The following FAM13A variants were observed in gnomAD, a reference collection of about 807,000 sequenced individuals.
The protein encoded by FAM13A is family with sequence similarity 13 member A.
FAM13A carries 76 observed loss-of-function variants against 129.6 expected under a neutral mutation model. That is an observed-to-expected ratio of 0.59 (90% CI 0.49 to 0.71). The LOEUF is 0.71. Ranked by LOEUF, FAM13A falls within the 30% of genes least tolerant of loss-of-function variation. The probability of loss-of-function intolerance (pLI) is 0.00; values close to 1 mark genes in which losing one functional copy is unlikely to be tolerated. For synonymous variants in FAM13A, 443 were observed against 449.9 expected (o/e 0.98, Z 0.20); for missense variants, 1,108 against 1,249.3 (o/e 0.89, Z 1.70).
intron 3 of FAM13A, among the ~76,000 whole-genome samples, chr4:89,002,291 G>A (rs1403608150): frequency 1.3e-5 from 2 of 151,954 alleles, no homozygotes; most frequent in African/African-American, 2.4e-5. Context: ...TGTCAGGCTC[G>A]GCAAGTCCTT....
chr4:88,931,009 A>G (rs1752950283), intron 5 of FAM13A, among the ~76,000 whole-genome samples: 1 of 152,166 alleles, frequency 6.6e-6, no homozygotes, highest in Admixed American at 6.5e-5. Flanking sequence ...TAAACTCTCA[A>G]AATGGTGCCT....
chr4:88,945,897 G>GTA (rs1339659826), intron 4 of FAM13A, among the ~76,000 whole-genome samples: 2 of 126,930 alleles, frequency 1.6e-5, no homozygotes, highest in African/African-American at 6.3e-5. Context: ...TTCTATGTGT[G>GTA]TATATACACA....
intron 6 of FAM13A, among the ~76,000 whole-genome samples, chr4:88,892,894 A>T (rs760369444): frequency 2.4e-4 from 36 of 149,250 alleles, no homozygotes; most frequent in Non-Finnish European, 4.8e-4. Flanking sequence ...ATTTGATCAT[A>T]TTAAAAAAAT....
chr4:88,908,470 G>A (rs1394842634), intron 5 of FAM13A, among the ~76,000 whole-genome samples: 1 of 152,170 alleles, frequency 6.6e-6, no homozygotes, highest in Non-Finnish European at 1.5e-5. Context: ...GACTGTCTGA[G>A]TGTTTACAAA....
intron 5 of FAM13A, among the ~76,000 whole-genome samples, chr4:88,931,794 T>C (rs1753076305): frequency 1.3e-5 from 2 of 152,346 alleles, no homozygotes; most frequent in Admixed American, 1.3e-4. Flanking sequence ...AAATGAATTC[T>C]AAATAAGTGC....
intron 7 of FAM13A, among the ~76,000 whole-genome samples, chr4:88,821,380 G>A (rs1385351734): frequency 6.6e-6 from 1 of 152,148 alleles, no homozygotes; most frequent in Non-Finnish European, 1.5e-5. Context: ...ATTCTTGAAT[G>A]CAAATTCAAA....
At chr4:88,732,848 A>C (rs1738141060) in intron 21 of FAM13A, among the ~76,000 whole-genome samples, 1 of 151,742 alleles carries the variant, frequency 6.6e-6, no homozygotes, top group East Asian at 1.9e-4. Flanking sequence ...GGCATACAAG[A>C]TTCTAAGAAA....
At chr4:88,732,342 C>T (rs1738011393) in intron 21 of FAM13A, 144 bp from the exon 22 acceptor site, 6 of 533,244 alleles carry the variant, frequency 1.1e-5, no homozygotes, top group Middle Eastern at 4.9e-4. Flanking sequence ...ATGTACATTA[C>T]AGATATATTA....
chr4:89,002,327 A>T (rs1764373126), intron 3 of FAM13A, among the ~76,000 whole-genome samples: 1 of 152,210 alleles, frequency 6.6e-6, no homozygotes, highest in Non-Finnish European at 1.5e-5. Flanking sequence ...CCAGGCAGGC[A>T]TGTGCTCAGA....
At chr4:89,033,618 CTCTT>C (rs1438912352) in intron 1 of FAM13A, among the ~76,000 whole-genome samples, 2 of 152,156 alleles carry the variant, frequency 1.3e-5, no homozygotes, top group Non-Finnish European at 2.9e-5. Flanking sequence ...GTTTCATGGT[CTCTT>C]TAATACAAAG....
chr4:88,922,563 G>A (rs1751310923), intron 5 of FAM13A, among the ~76,000 whole-genome samples: 2 of 151,796 alleles, frequency 1.3e-5, no homozygotes, highest in African/African-American at 4.8e-5. Context: ...TGTGTAGAGG[G>A]AAATTTATAG....
chr4:88,838,604 G>A (rs140858177), intron 7 of FAM13A, among the ~76,000 whole-genome samples: 23,112 of 152,004 alleles, frequency 0.15, 2,220 homozygotes, highest in East Asian at 0.31. Flanking sequence ...GCGGGCGCCT[G>A]TAGTCCCAGC....
chr4:88,742,550 ATCATTT>A (rs1235745067), intron 19 of FAM13A, among the ~76,000 whole-genome samples: 1 of 152,202 alleles, frequency 6.6e-6, no homozygotes, highest in Non-Finnish European at 1.5e-5. Context: ...TTTTATCATA[ATCATTT>A]TCATAATATA....
chr4:88,753,654 G>A (rs563999812), intron 14 of FAM13A: 10 of 936,206 alleles, frequency 1.1e-5, no homozygotes, highest in South Asian at 4.9e-5. Context: ...TCTGTTATTC[G>A]ATAGTCTTAT....
At chr4:88,908,339 A>G (rs182250272) in intron 5 of FAM13A, among the ~76,000 whole-genome samples, 3 of 152,336 alleles carry the variant, frequency 2.0e-5, no homozygotes, top group African/African-American at 7.2e-5. Flanking sequence ...GGATAACACA[A>G]TTATGCTTTA....
At chr4:88,769,560 G>A (rs951204724) in intron 11 of FAM13A, among the ~76,000 whole-genome samples, 5 of 152,212 alleles carry the variant, frequency 3.3e-5, no homozygotes, top group African/African-American at 4.8e-5. Flanking sequence ...AATGATGGGC[G>A]TGGTGGCTCA....
intron 7 of FAM13A, among the ~76,000 whole-genome samples, chr4:88,833,898 C>A (rs1385567696): frequency 6.6e-6 from 1 of 151,520 alleles, no homozygotes; most frequent in Non-Finnish European, 1.5e-5. Context: ...AAAAAAAATC[C>A]AATTTATTTA....
In FAM13A at chr4:89,029,916, T is replaced by C. The variant is rs773137378; in HGVS notation, c.28-267A>G. On this transcript the variant is annotated intron_variant, in intron 1 of 23. Transcript: ENST00000264344. ...GCAATACACTGCCGTATCTAAGATA[T>C]ATTACTACAGTAACCAAGGGGTGTG... 179 of 418,186 alleles carry C rather than the reference T, an allele frequency of 4.3e-4. 1 individual carries two copies. The highest frequency in any genetic ancestry group is 7.0e-4 in the Non-Finnish European group (166 of 238,250). 25.9% of individuals were successfully genotyped at this position (418,186 alleles called of 1,614,324 possible). A position where few individuals can be genotyped will look rare whatever the true frequency, so the allele number is the denominator to read the frequency against.
intron 7 of FAM13A, among the ~76,000 whole-genome samples, chr4:88,810,758 A>G (rs7691186): frequency 0.45 from 68,599 of 152,020 alleles, 15,776 homozygotes; most frequent in East Asian, 0.69. Context: ...TATCCTCATA[A>G]GCAGTCGAGA....
Sources: allele counts gnomAD v4.1 joint callset (sites outside exome capture counted in the v4.1 genomes callset), GRCh38; gene constraint gnomAD v4.1.1; transcripts MANE v1.5; gene names NCBI Gene and HGNC (gene_info 2026-07-23, HGNC 2026-07-21).